The following HOXB3 variants were observed in gnomAD, a reference collection of about 807,000 sequenced individuals.
HOXB3 encodes the protein homeobox B3, also known as homeobox protein Hox-B3.
A neutral mutation model predicts 29.2 loss-of-function variants in HOXB3; 17 were observed. The observed-to-expected ratio is 0.58, with a 90% CI of 0.40 to 0.87. The LOEUF is 0.87. Ranked by LOEUF, HOXB3 falls within the 40% of genes least tolerant of loss-of-function variation. The pLI is 0.00. For missense variants in HOXB3, 637 were observed against 616.3 expected, an observed-to-expected ratio of 1.03 and a Z score of -0.35; for synonymous variants, 317 against 285.9, an observed-to-expected ratio of 1.11 and a Z score of -1.10.
At chr17:48,588,144 C>T (rs947052682) in intron 1 of HOXB3, among the ~76,000 whole-genome samples, 4 of 152,206 alleles carry the variant, frequency 2.6e-5, no homozygotes, top group African/African-American at 9.6e-5. Flanking sequence ...AATCCCTTCA[C>T]ACCTCTCATT....
At chr17:48,578,333 T>C (rs748909110) in intron 1 of HOXB3, 34 of 1,602,554 alleles carry the variant, frequency 2.1e-5, no homozygotes, top group Non-Finnish European at 2.8e-5. Context: ...TTTCTGGGAA[T>C]TGCCCACAAA....
chr17:48,555,960 GA>G (rs564147929), intron 2 of HOXB3, among the ~76,000 whole-genome samples: 6 of 151,524 alleles, frequency 4.0e-5, no homozygotes, highest in Middle Eastern at 3.4e-3. Flanking sequence ...TTTGCACAGG[GA>G]AAAAAAACCA....
rs774703442 is a variant in HOXB3 at position 48,550,964 on chromosome 17, G to C, written c.666C>G (p.Ala222=). 1.2e-6 allele frequency: 2 copies of C among 1,613,800 alleles called. No homozygotes were observed. The highest frequency in any genetic ancestry group is 1.7e-6 in the Non-Finnish European group (2 of 1,179,926). ...YLCRPRRVEM[A]NLLNLSERQI... The stretch of plus-strand genomic sequence containing the variant: ...GCCGCTCGCTGAGGTTCAGCAGGTT[G>C]GCCATCTCTACACGGCGAGGCCGGC... The change falls in exon 5 of 5, where the codon GCC becomes GCG. Residue 222 remains alanine (A), a synonymous_variant. Coordinates refer to ENST00000498678, the MANE Select transcript of HOXB3 (RefSeq NM_001384749.1).
At chr17:48,563,515 T>C (rs1245482468) in intron 2 of HOXB3, among the ~76,000 whole-genome samples, 3 of 152,202 alleles carry the variant, frequency 2.0e-5, no homozygotes, top group African/African-American at 4.8e-5. Flanking sequence ...TCCCTTTGCA[T>C]ACACCCACCA....
At chr17:48,563,620 G>A (rs937595994) in intron 2 of HOXB3, among the ~76,000 whole-genome samples, 3 of 152,200 alleles carry the variant, frequency 2.0e-5, no homozygotes, top group Admixed American at 2.0e-4. Context: ...CCCACTCCAA[G>A]GAGAGGGGCT....
At chr17:48,573,738 A>C (rs2069662142) in intron 2 of HOXB3, 99 bp downstream of exon 2, 3 of 647,678 alleles carry the variant, frequency 4.6e-6, no homozygotes, top group Non-Finnish European at 5.5e-6. Flanking sequence ...GAAAGTTAAA[A>C]AAGAAAAAGG....
rs76942884 is a variant in HOXB3, at chr17:48,567,621, C to T, written c.-247+6216G>A. Among the ~76,000 whole-genome samples, 839 of 152,312 alleles carry T rather than the reference C, an allele frequency of 5.5e-3. 18 individuals are homozygous for T. In the East Asian group the frequency reaches 0.058, roughly 11 times the overall value. On this transcript the variant is annotated intron_variant, in intron 2 of 4. Transcript: ENST00000498678. ...GAGAAAGTTAACAGCTCTTCCCCTCCCTCTCCAATCTGCACCCCGTTTGCT... is the reference window on the plus strand; with the variant it reads ...GAGAAAGTTAACAGCTCTTCCCCTCTCTCTCCAATCTGCACCCCGTTTGCT...
At chr17:48,571,725 C>T (rs143051820) in intron 2 of HOXB3, among the ~76,000 whole-genome samples, 4 of 152,334 alleles carry the variant, frequency 2.6e-5, no homozygotes, top group African/African-American at 9.6e-5. Context: ...CCCTGAGCCC[C>T]ATATATTTTT....
intron 1 of HOXB3, among the ~76,000 whole-genome samples, chr17:48,587,502 G>C (rs115032325): frequency 2.8e-3 from 420 of 152,264 alleles, no homozygotes; most frequent in African/African-American, 9.6e-3. Flanking sequence ...ACTGAGTTTG[G>C]GGGGGTTGTG....
intron 2 of HOXB3, among the ~76,000 whole-genome samples, chr17:48,566,418 G>A (rs2069388982): frequency 6.6e-6 from 1 of 151,562 alleles, no homozygotes; most frequent in Non-Finnish European, 1.5e-5. Flanking sequence ...CTCTCCTCTG[G>A]GCCAGAGGAG....
intron 1 of HOXB3, chr17:48,578,162 C>G (rs756548485): frequency 1.2e-6 from 2 of 1,604,678 alleles, no homozygotes; most frequent in South Asian, 1.1e-5. Flanking sequence ...CCGCCCGAAG[C>G]CCGCCTCCGG....
At chr17:48,557,290 G>T (rs1284060280) in intron 2 of HOXB3, 1 of 152,266 alleles carries the variant, frequency 6.6e-6, no homozygotes, top group African/African-American at 2.4e-5. Context: ...TTCCTGGTTA[G>T]AATACTTGGC....
chr17:48,579,775 C>A, intron 1 of HOXB3: 1 of 332,596 alleles, frequency 3.0e-6, no homozygotes, highest in South Asian at 2.6e-5. Context: ...AGTCACCAGA[C>A]TGTCCTCATT....
At chr17:48,572,659 C>G (rs539212727) in intron 2 of HOXB3, among the ~76,000 whole-genome samples, 1 of 152,306 alleles carries the variant, frequency 6.6e-6, no homozygotes, top group East Asian at 1.9e-4. Context: ...TAGCACCCTA[C>G]TTTCGTCCCC....
chr17:48,572,252 A>G (rs1290217239), intron 2 of HOXB3, among the ~76,000 whole-genome samples: 1 of 152,152 alleles, frequency 6.6e-6, no homozygotes, highest in Admixed American at 6.5e-5. Flanking sequence ...CTGGTGGGTG[A>G]GGCACTCCAA....
Position 48,550,829 on chromosome 17 carries a change from C to T in HOXB3, c.801G>A (p.Gln267=), listed in dbSNP as rs768655705. 4 of 1,613,610 alleles carry T rather than the reference C, an allele frequency of 2.5e-6. No homozygotes were observed. The East Asian group carries it at 6.7e-5, about 27-fold the overall frequency. ...TGAAGCCGGCCGTGGACTGCATGGGCTGCGGGGGGCTGCCGGCTGGAGATG... is the reference window on the plus strand; with the variant it reads ...TGAAGCCGGCCGTGGACTGCATGGGTTGCGGGGGGCTGCCGGCTGGAGATG... The part of the protein sequence containing the change: ...GGPSPAGSPP[Q]PMQSTAGFMN... The change falls in exon 5 of 5, where the codon CAG becomes CAA. Residue 267 remains glutamine (Q), a synonymous_variant. Coordinates refer to ENST00000498678, the MANE Select transcript of HOXB3 (RefSeq NM_001384749.1).
chr17:48,583,039 A>T (rs1195029087), intron 1 of HOXB3, among the ~76,000 whole-genome samples: 1 of 152,128 alleles, frequency 6.6e-6, no homozygotes, highest in Non-Finnish European at 1.5e-5. Flanking sequence ...TCCCCACCCC[A>T]TTGCACACTC....
chr17:48,587,030 G>T (rs1043648452), intron 1 of HOXB3, among the ~76,000 whole-genome samples: 8 of 152,048 alleles, frequency 5.3e-5, no homozygotes, highest in African/African-American at 1.9e-4. Flanking sequence ...CCCCCACCCC[G>T]CCAACCATTA....
chr17:48,552,386 TCGAAGC>T lies in HOXB3; in HGVS notation c.83_88del (p.Gly28_Phe29del), dbSNP rs1221613092. The T allele has an allele frequency of 1.2e-6, 2 of 1,612,810 alleles. No homozygotes were observed. Among genetic ancestry groups the T allele is most frequent in the African/African-American group, 1.3e-5 (1 of 74,850 alleles). The stretch of plus-strand genomic sequence containing the variant: ...CTGAAATGGGGGTTGGGGGGGGACA[TCGAAGC>T]CGAAGCCATTGCTGCCAGGGTACGA... On this transcript the variant is annotated inframe_deletion, in exon 4 of 5. Coordinates refer to ENST00000498678, the MANE Select transcript of HOXB3 (RefSeq NM_001384749.1).
Sources: gnomAD v4.1 joint callset for allele counts (sites outside exome capture counted in the v4.1 genomes callset) on GRCh38, gnomAD v4.1.1 for gene constraint, MANE v1.5 for transcripts, NCBI Gene and HGNC (gene_info 2026-07-23, HGNC 2026-07-21) for gene names.